Variants in EPN2 observed in about 807,000 individuals in gnomAD.
EPN2 encodes the protein epsin 2.
In EPN2, 34 loss-of-function variants were observed where a neutral mutation model predicts 61.7. That is an observed-to-expected ratio of 0.55 (90% confidence interval 0.42 to 0.73). EPN2 has a LOEUF of 0.73. EPN2 is among the 30% of genes least tolerant of loss of function. The probability of loss-of-function intolerance (pLI) is 0.00; values close to 1 mark genes in which losing one functional copy is unlikely to be tolerated. For synonymous variants in EPN2, 349 were observed against 353.6 expected (o/e 0.99, Z 0.15); for missense variants, 714 against 839.2 (o/e 0.85, Z 1.84).
At chr17:19,304,836 G>T (rs1690123684) in intron 4 of EPN2, among the ~76,000 whole-genome samples, 1 of 152,202 alleles carries the variant, frequency 6.6e-6, no homozygotes, top group African/African-American at 2.4e-5. Context: ...TGGCTGACAT[G>T]CACAGGGTGT....
chr17:19,307,879 T>A, intron 4 of EPN2: 1 of 984,124 alleles, frequency 1.0e-6, no homozygotes, highest in Non-Finnish European at 1.2e-6. Context: ...ACCATAGCCA[T>A]GGCCCAGCTA....
intron 1 of EPN2, chr17:19,280,084 C>T (rs954780235): frequency 2.0e-5 from 3 of 152,330 alleles, no homozygotes; most frequent in Non-Finnish European, 2.9e-5. Flanking sequence ...GGCAGTCTAC[C>T]TGCCTGGGCC....
At chr17:19,271,559 A>G (rs1215124488) in intron 1 of EPN2, 2 of 152,246 alleles carry the variant, frequency 1.3e-5, no homozygotes, top group African/African-American at 4.8e-5. Flanking sequence ...ATCCTGGCTC[A>G]CTGCCCATCC....
At chr17:19,329,984 C>T (rs916400803) in intron 9 of EPN2, among the ~76,000 whole-genome samples, 1 of 152,234 alleles carries the variant, frequency 6.6e-6, no homozygotes, top group East Asian at 1.9e-4. Flanking sequence ...CCTCAGAGGG[C>T]CTCCTTTTCC....
intron 7 of EPN2, among the ~76,000 whole-genome samples, chr17:19,325,540 A>G (rs544142081): frequency 1.3e-5 from 2 of 152,372 alleles, no homozygotes; most frequent in Admixed American, 6.5e-5. Flanking sequence ...TTATTTCCAA[A>G]TTCTAGCAAA....
chr17:19,328,036 T>C (rs1469089243), intron 7 of EPN2, among the ~76,000 whole-genome samples: 1 of 152,220 alleles, frequency 6.6e-6, no homozygotes, highest in Non-Finnish European at 1.5e-5. Flanking sequence ...TGTTTTAGTT[T>C]TTTTGTGTGT....
intron 1 of EPN2, among the ~76,000 whole-genome samples, chr17:19,264,688 A>G (rs1048846953): frequency 2.6e-5 from 4 of 152,168 alleles, no homozygotes; most frequent in South Asian, 2.1e-4. Context: ...GTAAGGGTGT[A>G]GAGAGGATCA....
At chr17:19,270,661 G>C (rs1002870187) in intron 1 of EPN2, among the ~76,000 whole-genome samples, 11 of 152,226 alleles carry the variant, frequency 7.2e-5, no homozygotes, top group African/African-American at 2.7e-4. Context: ...TGTGGAAATA[G>C]AGGCTCAGGA....
intron 7 of EPN2, among the ~76,000 whole-genome samples, chr17:19,324,361 T>C (rs1203953351): frequency 6.6e-6 from 1 of 152,186 alleles, no homozygotes; most frequent in Non-Finnish European, 1.5e-5. Flanking sequence ...TAGACGGAGT[T>C]TTGTTCTTGT....
chr17:19,329,689 T>C (rs1413041103), intron 9 of EPN2, 42 bp downstream of exon 9: 1 of 1,176,082 alleles, frequency 8.5e-7, no homozygotes, highest in Non-Finnish European at 1.3e-6. Context: ...CTCCGTGCAT[T>C]TGACCAGCTG....
intron 1 of EPN2, among the ~76,000 whole-genome samples, chr17:19,238,168 C>T (rs999696088): frequency 1.3e-5 from 2 of 152,206 alleles, no homozygotes; most frequent in Non-Finnish European, 2.9e-5. Context: ...AAGAGCCAGG[C>T]TCCAGCTGCC....
intron 7 of EPN2, among the ~76,000 whole-genome samples, chr17:19,317,996 C>T (rs544081779): frequency 5.9e-5 from 9 of 152,356 alleles, no homozygotes; most frequent in East Asian, 1.9e-4. Flanking sequence ...ACACTGGCCA[C>T]GGGACTTTGT....
intron 7 of EPN2, among the ~76,000 whole-genome samples, chr17:19,313,935 C>T (rs1906265394): frequency 6.6e-6 from 1 of 152,156 alleles, no homozygotes; most frequent in South Asian, 2.1e-4. Context: ...ATGAAGGCTT[C>T]CTGGCCTGGT....
At chr17:19,318,321 G>A (rs1462292254) in intron 7 of EPN2, among the ~76,000 whole-genome samples, 2 of 151,372 alleles carry the variant, frequency 1.3e-5, no homozygotes, top group Admixed American at 6.6e-5. Flanking sequence ...AGGCTGAGGT[G>A]GGCGGATCAC....
chr17:19,294,402 A>T (rs980039186), intron 4 of EPN2, among the ~76,000 whole-genome samples: 39 of 152,266 alleles, frequency 2.6e-4, no homozygotes, highest in African/African-American at 9.4e-4. Context: ...CCTGGGTGAC[A>T]AAGCGAGACC....
chr17:19,284,982 C>T (rs2045390699), intron 3 of EPN2, among the ~76,000 whole-genome samples: 2 of 152,220 alleles, frequency 1.3e-5, no homozygotes, highest in African/African-American at 2.4e-5. Context: ...CCTTAATCTC[C>T]AGAAGCCTCA....
chr17:19,294,254 CA>C (rs35174163), intron 4 of EPN2, among the ~76,000 whole-genome samples: 11 of 144,670 alleles, frequency 7.6e-5, no homozygotes, highest in East Asian at 6.1e-4. Flanking sequence ...CCCATCGCTA[CA>C]AAAAAAAAAA....
chr17:19,250,322 C>T (rs1435723581), intron 1 of EPN2, among the ~76,000 whole-genome samples: 1 of 152,086 alleles, frequency 6.6e-6, no homozygotes, highest in Non-Finnish European at 1.5e-5. Context: ...TGTCGAACCC[C>T]TAACCTCAAG....
At chr17:19,245,303 C>T (rs1395135316) in intron 1 of EPN2, among the ~76,000 whole-genome samples, 1 of 152,034 alleles carries the variant, frequency 6.6e-6, no homozygotes, top group Non-Finnish European at 1.5e-5. Flanking sequence ...GCGAAGGGGA[C>T]ATTTCTTTTT....
Sources: gnomAD v4.1 joint callset for allele counts (sites outside exome capture counted in the v4.1 genomes callset) on GRCh38, gnomAD v4.1.1 for gene constraint, MANE v1.5 for transcripts, NCBI Gene and HGNC (gene_info 2026-07-23, HGNC 2026-07-21) for gene names.